The following HYCC2 variants were observed in gnomAD, a reference collection of about 807,000 sequenced individuals.
HYCC2 encodes hyccin PI4KA lipid kinase complex subunit 2, also known as hyccin 2.
chr2:201,036,512 C>A, the HYCC2 span, among the ~76,000 whole-genome samples: 103 of 152,286 alleles, frequency 6.8e-4, no homozygotes, highest in Middle Eastern at 0.01. Context: ...TACTGGCAAA[C>A]CGAATCCAGC....
chr2:201,069,649 AC>A, the HYCC2 span, among the ~76,000 whole-genome samples: 1 of 152,068 alleles, frequency 6.6e-6, no homozygotes, highest in Non-Finnish European at 1.5e-5. Flanking sequence ...GGTACTCAAA[AC>A]ACTACAGAAT....
chr2:201,033,913 T>C, the HYCC2 span, among the ~76,000 whole-genome samples: 706 of 151,998 alleles, frequency 4.6e-3, 2 homozygotes, highest in African/African-American at 0.016. Flanking sequence ...CTGTCTGATA[T>C]AGGGTCCAGA....
chr2:200,987,496 A>G, the HYCC2 span: 1 of 1,289,702 alleles, frequency 7.8e-7, no homozygotes. Context: ...GGAGCCAGGA[A>G]TACTCGAGTC....
chr2:201,033,147 G>C, the HYCC2 span, among the ~76,000 whole-genome samples: 10 of 128,614 alleles, frequency 7.8e-5, no homozygotes, highest in African/African-American at 3.2e-4. Context: ...AAAGCTATTT[G>C]TATGTGTGTG....
the HYCC2 span, among the ~76,000 whole-genome samples, chr2:201,042,618 G>T: frequency 6.6e-6 from 1 of 151,050 alleles, no homozygotes; most frequent in Admixed American, 6.6e-5. Flanking sequence ...CGCCCCGTCT[G>T]GGGGAGCCCC....
At chr2:201,060,008 C>A in the HYCC2 span, among the ~76,000 whole-genome samples, 3 of 145,624 alleles carry the variant, frequency 2.1e-5, no homozygotes, top group Admixed American at 7.2e-5. Context: ...TGCGCCACTG[C>A]TCTCCAGCCT....
the HYCC2 span, chr2:201,063,065 A>G: frequency 6.2e-7 from 1 of 1,607,852 alleles, no homozygotes; most frequent in Non-Finnish European, 8.5e-7. Context: ...AAGCATCGTT[A>G]AAGTCTCTCT....
chr2:200,978,036 T>TCCC, the HYCC2 span: 12 of 152,302 alleles, frequency 7.9e-5, 1 homozygote, highest in African/African-American at 2.9e-4. Context: ...CCTAAATATC[T>TCCC]TTTTCATAGA....
At chr2:201,022,003 G>T in the HYCC2 span, 1 of 1,085,432 alleles carries the variant, frequency 9.2e-7, no homozygotes, top group Non-Finnish European at 1.2e-6. Context: ...GCTTTTAGTG[G>T]TAGGACAAAA....
the HYCC2 span, among the ~76,000 whole-genome samples, chr2:200,995,005 C>CA: frequency 0.02 from 1,877 of 92,282 alleles, 29 homozygotes; most frequent in African/African-American, 0.062. Flanking sequence ...AAGACTCTCT[C>CA]AAAAAAAAAA....
At chr2:200,980,972 C>T in the HYCC2 span, 4 of 395,228 alleles carry the variant, frequency 1.0e-5, no homozygotes, top group East Asian at 5.0e-5. Flanking sequence ...GAAATGGGAC[C>T]GATCAGCCTA....
chr2:201,007,327 C>T, the HYCC2 span, among the ~76,000 whole-genome samples: 4,774 of 152,244 alleles, frequency 0.031, 227 homozygotes, highest in African/African-American at 0.11. Flanking sequence ...CTTAAATGTG[C>T]TCAGAACACT....
At chr2:201,026,555 T>C in the HYCC2 span, among the ~76,000 whole-genome samples, 1 of 152,174 alleles carries the variant, frequency 6.6e-6, no homozygotes, top group Non-Finnish European at 1.5e-5. Context: ...ATTGACCACA[T>C]AGTTGGAAGT....
chr2:201,023,020 T>C, the HYCC2 span: 2 of 866,294 alleles, frequency 2.3e-6, no homozygotes, highest in Non-Finnish European at 3.7e-6. Flanking sequence ...AACAGATTTA[T>C]AACAAACTCA....
chr2:200,986,195 G>C, the HYCC2 span, among the ~76,000 whole-genome samples: 1 of 152,200 alleles, frequency 6.6e-6, no homozygotes, highest in Non-Finnish European at 1.5e-5. Context: ...TGGGTCCCTA[G>C]GTCATGCACA....
the HYCC2 span, chr2:200,988,567 A>G: frequency 1.9e-6 from 1 of 531,436 alleles, no homozygotes; most frequent in Non-Finnish European, 3.1e-6. Flanking sequence ...GTATTCTTTT[A>G]AGCAGGCTTT....
chr2:201,050,049 A>G, the HYCC2 span, among the ~76,000 whole-genome samples: 1 of 151,802 alleles, frequency 6.6e-6, no homozygotes, highest in Non-Finnish European at 1.5e-5. Context: ...AATCTCTACA[A>G]AAAATAAAAA....
At chr2:201,041,000 C>G in the HYCC2 span, among the ~76,000 whole-genome samples, 1 of 152,184 alleles carries the variant, frequency 6.6e-6, no homozygotes, top group African/African-American at 2.4e-5. Flanking sequence ...TATGTTTAAA[C>G]CCTTGTACCC....
At chr2:200,986,563 A>G in the HYCC2 span, among the ~76,000 whole-genome samples, 1 of 152,300 alleles carries the variant, frequency 6.6e-6, no homozygotes, top group African/African-American at 2.4e-5. Context: ...ATTCTTTTAC[A>G]GATGGGGGTT....
Sources: allele counts gnomAD v4.1 joint callset (sites outside exome capture counted in the v4.1 genomes callset), GRCh38; gene constraint gnomAD v4.1.1; transcripts MANE v1.5; gene names NCBI Gene and HGNC (gene_info 2026-07-23, HGNC 2026-07-21).